The following BRIP1 variants were observed in gnomAD, a reference collection of about 807,000 sequenced individuals.
The protein encoded by BRIP1 is Fanconi anemia group J protein.
Under a neutral mutation model 119.7 loss-of-function variants are expected in BRIP1, and 88 were observed. The ratio of observed to expected loss-of-function variants is 0.74; its 90% confidence interval spans 0.62 to 0.88. BRIP1 has a LOEUF of 0.88. Ranked by LOEUF, BRIP1 falls within the 40% of genes least tolerant of loss-of-function variation. The probability of loss-of-function intolerance (pLI) is 0.00; values close to 1 mark genes in which losing one functional copy is unlikely to be tolerated. For missense variants in BRIP1, 1,259 were observed against 1,455.4 expected (o/e 0.87, Z 2.20); for synonymous variants, 443 against 496.5 (o/e 0.89, Z 1.43).
intron 17 of BRIP1, among the ~76,000 whole-genome samples, chr17:61,707,845 T>C (rs1298361769): frequency 1.3e-5 from 2 of 150,734 alleles, no homozygotes; most frequent in African/African-American, 4.9e-5. Flanking sequence ...GGAATGGTCT[T>C]CACATTTTTT....
chr17:61,716,838 A>ATTTCCACTACTGGAAATAATAT (rs2061886454), intron 16 of BRIP1, among the ~76,000 whole-genome samples: 13 of 15,722 alleles, frequency 8.3e-4, no homozygotes, highest in East Asian at 3.9e-3. Flanking sequence ...CTGGATTATT[A>ATTTCCACTACTGGAAATAATAT]GCTATGTCTT....
chr17:61,745,499 G>A lies in BRIP1; in HGVS notation c.2098-908C>T, dbSNP rs1475616010. Among the ~76,000 whole-genome samples, 1 of 152,112 alleles carries A rather than the reference G, an allele frequency of 6.6e-6. No individual in the cohort carries two copies. Among genetic ancestry groups the A allele is most frequent in the Non-Finnish European group, 1.5e-5 (1 of 68,006 alleles). ...TCCCTCCACCTTAGCCTCCTGAGTA[G>A]CTGGGACTACAGGTGCATGCCACTA... On this transcript the variant is annotated intron_variant, in intron 14 of 19. Coordinates refer to ENST00000259008, the MANE Select transcript of BRIP1 (RefSeq NM_032043.3). The surrounding 1 kb of genome is among the most constrained non-coding windows in gnomAD (Gnocchi z 4.4).
chr17:61,850,772 G>C (rs1191905354), intron 4 of BRIP1, among the ~76,000 whole-genome samples: 1 of 151,694 alleles, frequency 6.6e-6, no homozygotes, highest in African/African-American at 2.4e-5. Flanking sequence ...AGGTTGCAGT[G>C]AGCTGAGATC....
At chr17:61,812,347 T>A (rs1284127431) in intron 6 of BRIP1, among the ~76,000 whole-genome samples, 1 of 152,176 alleles carries the variant, frequency 6.6e-6, no homozygotes, top group Non-Finnish European at 1.5e-5. Context: ...TGACAGAGAT[T>A]TCCTTTTCTC....
At chr17:61,858,795 A>G (rs915075057) in intron 3 of BRIP1, among the ~76,000 whole-genome samples, 15 of 152,232 alleles carry the variant, frequency 9.9e-5, no homozygotes, top group Non-Finnish European at 2.1e-4. Context: ...CTTTAGGTTA[A>G]AGCCATCTAA....
chr17:61,804,280 A>G lies in BRIP1; in HGVS notation c.919-2806T>C, dbSNP rs1301168965. Among the ~76,000 whole-genome samples, 1 of 152,144 alleles carries G rather than the reference A, an allele frequency of 6.6e-6. No homozygotes were observed. Among genetic ancestry groups the G allele is most frequent in the African/African-American group, 2.4e-5 (1 of 41,442 alleles). ...CACTTTTATTTTAATTAATTCTACT[A>G]TTTATTTTAAAACGATTTTGAAATA... is the stretch of plus-strand genomic sequence containing the variant. On this transcript the variant is annotated intron_variant, in intron 7 of 19. Transcript: ENST00000259008. This position sits in a 1 kb window ranked among gnomAD's most constrained non-coding sequence, Gnocchi z 4.5.
rs371169210 is a variant in BRIP1 at position 61,719,552 on chromosome 17, G to A, written c.2380-3489C>T. On this transcript the variant is annotated intron_variant, in intron 16 of 19. Transcript: ENST00000259008. ...ATCCTGGCTAACACGGTGAAATCCC[G>A]TCTTTACTAAAAATACAAAAAAATT... 4.1e-3 allele frequency among the ~76,000 whole-genome samples: 628 copies of A among 151,708 alleles called. 2 individuals carry two copies. Among genetic ancestry groups the A allele is most frequent in the African/African-American group, 0.014 (587 of 41,370 alleles).
intron 16 of BRIP1, among the ~76,000 whole-genome samples, chr17:61,727,485 G>A (rs540368012): frequency 2.6e-5 from 4 of 151,972 alleles, no homozygotes; most frequent in Non-Finnish European, 5.9e-5. Flanking sequence ...TATATTTCAG[G>A]GCCAGGTGTG....
intron 4 of BRIP1, among the ~76,000 whole-genome samples, chr17:61,850,649 G>A (rs952980700): frequency 5.9e-5 from 9 of 151,542 alleles, no homozygotes; most frequent in African/African-American, 2.2e-4. Flanking sequence ...GCAACATGGC[G>A]AAATCCCATC....
At chr17:61,850,036 T>A (rs1018439996) in intron 4 of BRIP1, among the ~76,000 whole-genome samples, 2 of 152,202 alleles carry the variant, frequency 1.3e-5, no homozygotes, top group African/African-American at 4.8e-5. Flanking sequence ...CTCCTTCCTC[T>A]TTGCTTCTCT....
rs886053214 is a variant in BRIP1, at chr17:61,684,026, G to T, written c.3020C>A (p.Ser1007Tyr). The T allele has an allele frequency of 1.2e-6, 2 of 1,614,096 alleles. No homozygotes were observed. Among genetic ancestry groups the T allele is most frequent in the Non-Finnish European group, 8.5e-7 (1 of 1,179,982 alleles). ...TKRVSWSSFN[S>Y]LGQYFTGKIP... ...TTTACCAGTAAAATACTGTCCCAAA[G>T]AATTAAAGCTTGACCAGCTAACTCT... The change falls in exon 20 of 20, where the codon TCT becomes TAT. Residue 1007 changes from serine (S) to tyrosine (Y), a missense_variant. Physicochemically the swap from Ser to Tyr is moderately radical, Grantham distance 144. This residue lies in a region of BRIP1 where 753 missense variants were observed against 891.8 expected (regional missense o/e 0.84). Transcript: ENST00000259008. The surrounding 1 kb of genome is among the most constrained non-coding windows in gnomAD (Gnocchi z 4.5).
At position 61,799,010 on chromosome 17, in the gene BRIP1, A is replaced by C. The variant is rs1417957381; in HGVS notation, c.1340+90T>G. The C allele has an allele frequency of 1.5e-6, 2 of 1,320,596 alleles. No homozygotes were observed. The highest frequency in any genetic ancestry group is 2.9e-5 in the African/African-American group (2 of 68,956). 81.8% of individuals were successfully genotyped at this position (1,320,596 alleles called of 1,614,324 possible). On this transcript the variant is annotated intron_variant, in intron 9 of 19. Transcript: ENST00000259008. This position sits in a 1 kb window ranked among gnomAD's most constrained non-coding sequence, Gnocchi z 5.1. ...CATTTCCCAAGAAGCCTAGTTAACC[A>C]AAGTTTACTAACTTTAAATACTCTG...
In BRIP1 at chr17:61,832,699, C is replaced by T. The variant is rs1261898511; in HGVS notation, c.627+14402G>A. Among the ~76,000 whole-genome samples the T allele has an allele frequency of 6.6e-6, 1 of 152,066 alleles. No individual in the cohort carries two copies. The highest frequency in any genetic ancestry group is 1.5e-5 in the Non-Finnish European group (1 of 68,012). On this transcript the variant is annotated intron_variant, in intron 6 of 19. Coordinates refer to ENST00000259008, the MANE Select transcript of BRIP1 (RefSeq NM_032043.3). The surrounding 1 kb of genome is among the most constrained non-coding windows in gnomAD (Gnocchi z 5.5). ...GAAGTGTTCCAGACTGAAGAAGTTA[C>T]TAAAGTGATAACTAAATGCAATGCA...
At chr17:61,821,969 C>T (rs1040217193) in intron 6 of BRIP1, among the ~76,000 whole-genome samples, 2 of 152,126 alleles carry the variant, frequency 1.3e-5, no homozygotes, top group African/African-American at 2.4e-5. Context: ...ATAAATCTCA[C>T]ATTAACTAAA....
chr17:61,728,627 G>A (rs1171124806), intron 16 of BRIP1, among the ~76,000 whole-genome samples: 5 of 152,250 alleles, frequency 3.3e-5, no homozygotes, highest in Non-Finnish European at 7.4e-5. Context: ...GATGTGTACC[G>A]CAAAGATGAA....
At position 61,744,911 on chromosome 17, in the gene BRIP1, C is replaced by T. The variant is rs769535051; in HGVS notation, c.2098-320G>A. Among the ~76,000 whole-genome samples the T allele has an allele frequency of 6.6e-6, 1 of 151,688 alleles. No homozygotes were observed. The highest frequency in any genetic ancestry group is 1.5e-5 in the Non-Finnish European group (1 of 67,928). ...TCTACTATTATCTTGGCAATTTCTA[C>T]CACCACCACCACTACTACTACTACT... is the stretch of plus-strand genomic sequence containing the variant. On this transcript the variant is annotated intron_variant, in intron 14 of 19. Transcript: ENST00000259008. The surrounding 1 kb of genome is among the most constrained non-coding windows in gnomAD (Gnocchi z 5.0).
rs1329826918 is a variant in BRIP1 at position 61,762,218 on chromosome 17, C to A, written c.2097+14183G>T. Among the ~76,000 whole-genome samples the A allele has an allele frequency of 6.6e-6, 1 of 151,902 alleles. No individual in the cohort carries two copies. Among genetic ancestry groups the A allele is most frequent in the Non-Finnish European group, 1.5e-5 (1 of 67,966 alleles). ...CCACATGCAGAAGAATGAAAATGGA[C>A]CCTTATCTCACAATATTTAAAAAAA... is the stretch of plus-strand genomic sequence containing the variant. On this transcript the variant is annotated intron_variant, in intron 14 of 19. Coordinates refer to ENST00000259008, the MANE Select transcript of BRIP1 (RefSeq NM_032043.3). This position sits in a 1 kb window ranked among gnomAD's most constrained non-coding sequence, Gnocchi z 4.3.
rs184161850 is a variant in BRIP1, at chr17:61,690,776, C to A, written c.2575+2654G>T. The stretch of plus-strand genomic sequence containing the variant: ...GATCTCTCTTTGCAGATGACATGAT[C>A]TTTTATGTGGAAAACCCTAAAGATT... On this transcript the variant is annotated intron_variant, in intron 18 of 19. Coordinates refer to ENST00000259008, the MANE Select transcript of BRIP1 (RefSeq NM_032043.3). The surrounding 1 kb of genome is among the most constrained non-coding windows in gnomAD (Gnocchi z 5.6). Among the ~76,000 whole-genome samples the A allele has an allele frequency of 8.7e-4, 132 of 152,086 alleles. 1 individual carries two copies. Among genetic ancestry groups the A allele is most frequent in the South Asian group, 7.9e-3 (38 of 4,806 alleles).
chr17:61,732,476 G>C (rs2076861970), intron 16 of BRIP1, among the ~76,000 whole-genome samples: 1 of 152,030 alleles, frequency 6.6e-6, no homozygotes, highest in Non-Finnish European at 1.5e-5. Context: ...GAAAGGTGTT[G>C]GTCAACTTCA....
Sources: gnomAD v4.1 joint callset for allele counts (sites outside exome capture counted in the v4.1 genomes callset) on GRCh38, gnomAD v4.1.1 for gene constraint, gnomAD v4.1.1 regional missense constraint, Gnocchi (gnomAD v3.1) non-coding constraint, MANE v1.5 for transcripts, NCBI Gene and HGNC (gene_info 2026-07-23, HGNC 2026-07-21) for gene names.